Variants in GALNT13 observed in about 807,000 individuals in gnomAD.
GALNT13 encodes the protein polypeptide N-acetylgalactosaminyltransferase 13.
Under a neutral mutation model 64.2 loss-of-function variants are expected in GALNT13, and 28 were observed. The ratio of observed to expected loss-of-function variants is 0.44; its 90% CI spans 0.32 to 0.60. The LOEUF (loss-of-function observed/expected upper bound fraction) is 0.60. GALNT13 is among the 20% of genes least tolerant of loss of function. GALNT13 has a pLI of 0.05. For missense variants in GALNT13, 577 were observed against 669.8 expected (o/e 0.86, Z 1.53); for synonymous variants, 214 against 224.6 (o/e 0.95, Z 0.42).
the GALNT13 span, among the ~76,000 whole-genome samples, chr2:153,649,741 G>A: frequency 2.0e-5 from 3 of 152,130 alleles, no homozygotes; most frequent in Non-Finnish European, 2.9e-5. Context: ...TCATTCAGGA[G>A]CAGGTTGTTC....
At chr2:154,030,949 A>C (rs1483494007) in intron 3 of GALNT13, among the ~76,000 whole-genome samples, 1 of 152,158 alleles carries the variant, frequency 6.6e-6, no homozygotes, top group East Asian at 1.9e-4. Context: ...AAAACAGACT[A>C]GTATAGCTAT....
the GALNT13 span, among the ~76,000 whole-genome samples, chr2:153,306,367 A>C: frequency 7.2e-5 from 11 of 152,346 alleles, no homozygotes; most frequent in African/African-American, 2.4e-4. Flanking sequence ...TGTGCGATAC[A>C]ATATTTGATA....
At chr2:154,265,416 G>A (rs543725171) in intron 8 of GALNT13, among the ~76,000 whole-genome samples, 25 of 152,022 alleles carry the variant, frequency 1.6e-4, no homozygotes, top group Admixed American at 5.2e-4. Context: ...AGAAGAGTTC[G>A]GGCCAGGCTC....
chr2:154,308,636 G>A (rs1693871155), intron 9 of GALNT13, among the ~76,000 whole-genome samples: 1 of 152,166 alleles, frequency 6.6e-6, no homozygotes, highest in Non-Finnish European at 1.5e-5. Flanking sequence ...TAGCACTTCT[G>A]AAAATAAAGT....
chr2:153,831,564 A>ACT, the GALNT13 span, among the ~76,000 whole-genome samples: 3 of 152,106 alleles, frequency 2.0e-5, no homozygotes, highest in African/African-American at 7.2e-5. Context: ...ATCACGCCTC[A>ACT]GCACCCAGAA....
At chr2:153,846,917 C>T in the GALNT13 span, among the ~76,000 whole-genome samples, 1 of 152,022 alleles carries the variant, frequency 6.6e-6, no homozygotes, top group East Asian at 1.9e-4. Flanking sequence ...AAGAGGTGTC[C>T]GAATTAAAAC....
chr2:153,979,368 A>AC (rs1694297796), intron 3 of GALNT13, among the ~76,000 whole-genome samples: 1 of 152,120 alleles, frequency 6.6e-6, no homozygotes, highest in Non-Finnish European at 1.5e-5. Flanking sequence ...TTGCTTTTGA[A>AC]CAGATCAATA....
intron 9 of GALNT13, among the ~76,000 whole-genome samples, chr2:154,309,000 A>G (rs995184072): frequency 1.8e-4 from 27 of 152,120 alleles, no homozygotes; most frequent in African/African-American, 6.3e-4. Flanking sequence ...GGATACTGCC[A>G]TGCTCTGTCT....
the GALNT13 span, among the ~76,000 whole-genome samples, chr2:153,432,579 A>G: frequency 6.6e-6 from 1 of 152,066 alleles, no homozygotes; most frequent in Non-Finnish European, 1.5e-5. Flanking sequence ...TTGGGTTTCA[A>G]GTTTCACCTA....
chr2:154,122,940 G>C lies in GALNT13; in HGVS notation c.143-17397G>C, dbSNP rs769450983. On this transcript the variant is annotated intron_variant, in intron 3 of 12. Coordinates refer to ENST00000392825, the MANE Select transcript of GALNT13 (RefSeq NM_052917.4). Reference sequence around the variant, plus strand: ...GAAAATCTTGAAGGCATCCAGGGGTGGGGGGTAAATGAAAAGGTACCTCAC... The same window carrying C: ...GAAAATCTTGAAGGCATCCAGGGGTCGGGGGTAAATGAAAAGGTACCTCAC... 1.5e-4 allele frequency among the ~76,000 whole-genome samples: 23 copies of C among 151,812 alleles called. 1 individual carries two copies. The highest frequency in any genetic ancestry group is 3.2e-4 in the Non-Finnish European group (22 of 67,814).
At chr2:153,562,025 C>T in the GALNT13 span, among the ~76,000 whole-genome samples, 3 of 144,448 alleles carry the variant, frequency 2.1e-5, no homozygotes, top group South Asian at 4.6e-4. Context: ...TTCTCCCTCC[C>T]TCTCCTCTCT....
the GALNT13 span, among the ~76,000 whole-genome samples, chr2:153,563,040 A>G: frequency 6.6e-6 from 1 of 151,980 alleles, no homozygotes; most frequent in Admixed American, 6.6e-5. Context: ...TACCTATTAT[A>G]TCTATGTGTT....
chr2:154,026,601 C>A (rs981785426), intron 3 of GALNT13, among the ~76,000 whole-genome samples: 2 of 152,168 alleles, frequency 1.3e-5, no homozygotes, highest in Non-Finnish European at 2.9e-5. Context: ...GTCACTTTTT[C>A]TCTGTGTTCT....
At chr2:154,066,354 G>A (rs1365300458) in intron 3 of GALNT13, among the ~76,000 whole-genome samples, 1 of 152,006 alleles carries the variant, frequency 6.6e-6, no homozygotes, top group Non-Finnish European at 1.5e-5. Context: ...CATGGAAAAA[G>A]ATATCAGTAT....
At chr2:154,150,762 G>A (rs1683955650) in intron 4 of GALNT13, among the ~76,000 whole-genome samples, 1 of 152,158 alleles carries the variant, frequency 6.6e-6, no homozygotes, top group South Asian at 2.1e-4. Context: ...TTTTCTGTGG[G>A]ATCGGTGGTG....
chr2:153,459,331 A>T, the GALNT13 span, among the ~76,000 whole-genome samples: 1 of 152,104 alleles, frequency 6.6e-6, no homozygotes, highest in Non-Finnish European at 1.5e-5. Context: ...ATTACAAAAG[A>T]ATCTGCCAGG....
chr2:153,567,522 A>C, the GALNT13 span, among the ~76,000 whole-genome samples: 1 of 152,218 alleles, frequency 6.6e-6, no homozygotes, highest in Non-Finnish European at 1.5e-5. Context: ...TCTTAAAAGG[A>C]ACAACTGGCC....
the GALNT13 span, among the ~76,000 whole-genome samples, chr2:153,132,120 A>T: frequency 6.6e-6 from 1 of 152,226 alleles, no homozygotes; most frequent in Non-Finnish European, 1.5e-5. Flanking sequence ...AACCCACAAA[A>T]GAAATTGCCT....
chr2:153,419,443 A>G, the GALNT13 span, among the ~76,000 whole-genome samples: 1 of 152,220 alleles, frequency 6.6e-6, no homozygotes, highest in Non-Finnish European at 1.5e-5. Context: ...AGTCTCAAAA[A>G]TCATATATCC....
Sources: allele counts gnomAD v4.1 joint callset (sites outside exome capture counted in the v4.1 genomes callset), GRCh38; gene constraint gnomAD v4.1.1; transcripts MANE v1.5; gene names NCBI Gene and HGNC (gene_info 2026-07-23, HGNC 2026-07-21).